Variants in MCCC1 observed in about 807,000 individuals in gnomAD.
The protein encoded by MCCC1 is methylcrotonoyl-CoA carboxylase subunit alpha, mitochondrial.
Under a neutral mutation model 83.8 loss-of-function variants are expected in MCCC1, and 64 were observed. The ratio of observed to expected loss-of-function variants is 0.76; its 90% CI spans 0.62 to 0.94. The LOEUF is 0.94. Among genes scored for constraint, MCCC1 ranks in the 40% least tolerant of loss-of-function variants. The probability of loss-of-function intolerance (pLI) is 0.00; values close to 1 mark genes in which losing one functional copy is unlikely to be tolerated. For synonymous variants in MCCC1, 322 were observed against 315.4 expected (o/e 1.02, Z -0.22); for missense variants, 807 against 904.7 (o/e 0.89, Z 1.39).
intron 7 of MCCC1, among the ~76,000 whole-genome samples, chr3:183,063,944 A>C (rs1716047420): frequency 6.6e-6 from 1 of 152,190 alleles, no homozygotes; most frequent in African/African-American, 2.4e-5. Context: ...TGGTGGAGTT[A>C]AAGTCTCTCC....
At chr3:183,020,048 G>A in intron 17 of MCCC1, 82 bp downstream of exon 17, 4 of 1,064,338 alleles carry the variant, frequency 3.8e-6, no homozygotes, top group Non-Finnish European at 5.8e-6. Flanking sequence ...GTTTAGAAAG[G>A]GAAAAGGACA....
At position 183,094,541 on chromosome 3, in the gene MCCC1, A is replaced by C. The variant is rs780178088; in HGVS notation, c.136+18T>G. On this transcript the variant is annotated intron_variant, in intron 2 of 18. Transcript: ENST00000265594. ...AGTCTGAAGCAAAATCAAATAGAAC[A>C]ACAAAGTCTGTCAGTACCTGTGGCT... 1.8e-5 allele frequency: 29 copies of C among 1,613,890 alleles called. No individual in the cohort carries two copies. In the South Asian group the frequency reaches 2.9e-4, roughly 16 times the overall value.
At chr3:183,113,901 G>A (rs1275404833) in intron 1 of MCCC1, among the ~76,000 whole-genome samples, 3 of 152,052 alleles carry the variant, frequency 2.0e-5, no homozygotes, top group Non-Finnish European at 2.9e-5. Context: ...AGTGCAGAGC[G>A]GGTGGGGAGC....
chr3:183,060,944 G>A lies in MCCC1; in HGVS notation c.762-3522C>T, dbSNP rs376287158. Among the ~76,000 whole-genome samples the A allele has an allele frequency of 3.9e-5, 6 of 152,178 alleles. No homozygotes were observed. The East Asian group carries it at 5.8e-4, about 15-fold the overall frequency. On this transcript the variant is annotated intron_variant, in intron 7 of 18. Coordinates refer to ENST00000265594, the MANE Select transcript of MCCC1 (RefSeq NM_020166.5). ...GGCTGCGAGCATCTATTAATATTAC[G>A]TAGGAGGCTCCCAACTAGTGCTGGG...
intron 1 of MCCC1, among the ~76,000 whole-genome samples, chr3:183,113,052 C>T (rs1051594571): frequency 5.9e-5 from 9 of 151,874 alleles, no homozygotes; most frequent in South Asian, 2.1e-4. Context: ...GGTGAAACTC[C>T]GTCTCTACTA....
chr3:183,041,144 A>G (rs1714049126), intron 11 of MCCC1, among the ~76,000 whole-genome samples: 1 of 152,174 alleles, frequency 6.6e-6, no homozygotes, highest in Non-Finnish European at 1.5e-5. Context: ...TAGCTCTTCC[A>G]CTGTTTCTTT....
At chr3:183,037,168 G>C (rs761141173) in intron 13 of MCCC1, 50 bp downstream of exon 13, 118 of 1,565,506 alleles carry the variant, frequency 7.5e-5, no homozygotes, top group Non-Finnish European at 9.6e-5. Context: ...CATGTTCAAT[G>C]ATGATTTGCA....
chr3:183,061,193 T>G (rs763129358), intron 7 of MCCC1, among the ~76,000 whole-genome samples: 4 of 152,164 alleles, frequency 2.6e-5, no homozygotes, highest in Non-Finnish European at 5.9e-5. Flanking sequence ...TATAAACTTG[T>G]GATTAAATCT....
At chr3:183,071,568 C>G (rs1716694314) in intron 5 of MCCC1, among the ~76,000 whole-genome samples, 2 of 152,112 alleles carry the variant, frequency 1.3e-5, no homozygotes, top group South Asian at 4.1e-4. Flanking sequence ...TTTTTAATCC[C>G]AAAATACTAA....
chr3:183,099,169 C>T, intron 1 of MCCC1, 183 bp downstream of exon 1: 1 of 663,030 alleles, frequency 1.5e-6, no homozygotes, highest in Non-Finnish European at 2.7e-6. Context: ...AAGGGAAGGG[C>T]TGGTGGGGAT....
chr3:183,041,897 T>A, intron 10 of MCCC1, 147 bp from the exon 11 acceptor site: 1 of 910,848 alleles, frequency 1.1e-6, no homozygotes, highest in Non-Finnish European at 1.7e-6. Flanking sequence ...TGTCTACTCA[T>A]TTGAGTATTG....
At chr3:183,054,831 G>A (rs934007830) in intron 8 of MCCC1, among the ~76,000 whole-genome samples, 11 of 151,912 alleles carry the variant, frequency 7.2e-5, no homozygotes, top group Admixed American at 3.3e-4. Flanking sequence ...CCTTTTCTAC[G>A]TTTATATATG....
intron 7 of MCCC1, among the ~76,000 whole-genome samples, chr3:183,070,689 T>C (rs1716597550): frequency 6.6e-6 from 1 of 151,122 alleles, no homozygotes; most frequent in Non-Finnish European, 1.5e-5. Flanking sequence ...GCCGAGATCG[T>C]GCCACTGCAC....
intron 13 of MCCC1, among the ~76,000 whole-genome samples, chr3:183,036,363 G>A (rs1713591314): frequency 6.6e-6 from 1 of 151,940 alleles, no homozygotes; most frequent in Non-Finnish European, 1.5e-5. Flanking sequence ...GTAACCCTGG[G>A]GAATCTAAGT....
At chr3:183,087,597 C>T (rs1386565771) in intron 3 of MCCC1, among the ~76,000 whole-genome samples, 2 of 152,030 alleles carry the variant, frequency 1.3e-5, no homozygotes, top group Admixed American at 6.6e-5. Context: ...CAAGACTGGC[C>T]GGGCATGGTG....
At chr3:183,109,904 C>T (rs1719466910) in intron 1 of MCCC1, among the ~76,000 whole-genome samples, 1 of 152,136 alleles carries the variant, frequency 6.6e-6, no homozygotes, top group African/African-American at 2.4e-5. Flanking sequence ...TCTCTACAGC[C>T]TCACTGTCTG....
chr3:183,081,735 A>G (rs1390067592), intron 4 of MCCC1, among the ~76,000 whole-genome samples: 1 of 152,188 alleles, frequency 6.6e-6, no homozygotes, highest in Non-Finnish European at 1.5e-5. Flanking sequence ...ATTGTCTGTA[A>G]AAGGTATAAT....
At chr3:183,044,799 T>A (rs1246889107) in intron 10 of MCCC1, among the ~76,000 whole-genome samples, 1 of 152,128 alleles carries the variant, frequency 6.6e-6, no homozygotes, top group Non-Finnish European at 1.5e-5. Flanking sequence ...GTGGCTTCAC[T>A]TTTAACCTCC....
chr3:183,053,091 A>G (rs528785719), intron 8 of MCCC1, among the ~76,000 whole-genome samples: 1 of 152,320 alleles, frequency 6.6e-6, no homozygotes, highest in East Asian at 1.9e-4. Context: ...ATGTGGAGAA[A>G]AGACAGTGAC....
Sources: allele counts gnomAD v4.1 joint callset (sites outside exome capture counted in the v4.1 genomes callset), GRCh38; gene constraint gnomAD v4.1.1; transcripts MANE v1.5; gene names NCBI Gene and HGNC (gene_info 2026-07-23, HGNC 2026-07-21).